TENM4: variants seen among roughly 807,000 people sequenced by gnomAD.
TENM4 encodes teneurin transmembrane protein 4, also known as teneurin-4.
A neutral mutation model predicts 243.3 loss-of-function variants in TENM4; 82 were observed. That is an observed-to-expected ratio of 0.34 (90% confidence interval 0.28 to 0.40). The LOEUF is 0.40. Among genes scored for constraint, TENM4 ranks in the 10% least tolerant of loss-of-function variants. The probability of loss-of-function intolerance (pLI) is 1.00; values close to 1 mark genes in which losing one functional copy is unlikely to be tolerated. For missense variants in TENM4, 3,138 were observed against 3,673.3 expected (o/e 0.85, Z 3.77); for synonymous variants, 1,412 against 1,456.3 (o/e 0.97, Z 0.69).
intron 4 of TENM4, among the ~76,000 whole-genome samples, chr11:79,081,939 G>A (rs1860686261): frequency 6.6e-6 from 1 of 152,100 alleles, no homozygotes; most frequent in Admixed American, 6.5e-5. Flanking sequence ...GCTCACATGG[G>A]CTCTTAGAGC....
At chr11:78,959,314 T>C (rs1857270343) in intron 6 of TENM4, among the ~76,000 whole-genome samples, 1 of 152,082 alleles carries the variant, frequency 6.6e-6, no homozygotes, top group South Asian at 2.1e-4. Flanking sequence ...GCAGAAACAA[T>C]AAAGATAATT....
chr11:79,097,711 G>T (rs1344420441), intron 4 of TENM4: 1 of 152,056 alleles, frequency 6.6e-6, no homozygotes, highest in Non-Finnish European at 1.5e-5. Context: ...TTTCCAGGAT[G>T]TTACGAAACA....
chr11:79,316,901 G>T (rs758137211), intron 1 of TENM4, among the ~76,000 whole-genome samples: 16 of 152,182 alleles, frequency 1.1e-4, no homozygotes, highest in Non-Finnish European at 1.9e-4. Context: ...TGCTTTGTTC[G>T]CTTCAAGGGG....
At chr11:79,142,630 A>T (rs1241859157) in intron 4 of TENM4, among the ~76,000 whole-genome samples, 1 of 152,108 alleles carries the variant, frequency 6.6e-6, no homozygotes, top group Non-Finnish European at 1.5e-5. Context: ...TAGAAAAAAC[A>T]ATCCTAAATT....
chr11:78,722,055 C>A (rs568258319), intron 24 of TENM4, among the ~76,000 whole-genome samples: 3 of 152,228 alleles, frequency 2.0e-5, no homozygotes, highest in South Asian at 4.1e-4. Context: ...ACCTGAGGAG[C>A]AGAGAGGTCA....
intron 12 of TENM4, among the ~76,000 whole-genome samples, chr11:78,835,120 G>C (rs1054893004): frequency 6.6e-6 from 1 of 152,084 alleles, no homozygotes. Flanking sequence ...AGGGCGGTGA[G>C]GCATGTAACA....
At chr11:78,859,459 T>C (rs74961519) in intron 10 of TENM4, among the ~76,000 whole-genome samples, 2 of 152,242 alleles carry the variant, frequency 1.3e-5, no homozygotes, top group East Asian at 1.9e-4. Context: ...CCCATAGCAA[T>C]GCTGTGCAAA....
chr11:79,074,234 T>C (rs7116067), intron 4 of TENM4, among the ~76,000 whole-genome samples: 52,089 of 152,064 alleles, frequency 0.34, 9,390 homozygotes, highest in Middle Eastern at 0.47. Context: ...TGGTTCACAC[T>C]CAAATTGGCA....
intron 3 of TENM4, among the ~76,000 whole-genome samples, chr11:79,198,268 C>A (rs1863673441): frequency 6.6e-6 from 1 of 152,184 alleles, no homozygotes; most frequent in Non-Finnish European, 1.5e-5. Context: ...AACAAAGGCT[C>A]TTGTCTTCTC....
At chr11:79,185,185 C>T (rs1403937082) in intron 3 of TENM4, among the ~76,000 whole-genome samples, 1 of 152,034 alleles carries the variant, frequency 6.6e-6, no homozygotes, top group African/African-American at 2.4e-5. Flanking sequence ...GCAGTCCCAT[C>T]TACTTGAGAG....
chr11:78,788,452 G>C (rs1856984402), intron 15 of TENM4, among the ~76,000 whole-genome samples: 1 of 152,248 alleles, frequency 6.6e-6, no homozygotes, highest in Non-Finnish European at 1.5e-5. Flanking sequence ...TCCTATGCCA[G>C]GCTCAGGAGC....
chr11:78,964,631 G>A (rs902063893), intron 6 of TENM4, among the ~76,000 whole-genome samples: 2 of 152,150 alleles, frequency 1.3e-5, no homozygotes, highest in African/African-American at 4.8e-5. Context: ...CCCAGTACTA[G>A]AGGGCTGAAC....
At position 78,657,548 on chromosome 11, in the gene TENM4, A is replaced by T. The variant is rs1018433587; in HGVS notation, c.*510T>A. 3.1e-5 allele frequency: 8 copies of T among 256,184 alleles called. No homozygotes were observed. Among genetic ancestry groups the T allele is most frequent in the African/African-American group, 1.8e-4 (8 of 44,952 alleles). 15.9% of individuals were successfully genotyped at this position (256,184 alleles called of 1,614,324 possible). A position where few individuals can be genotyped will look rare whatever the true frequency, so the allele number is the denominator to read the frequency against. On this transcript the variant is annotated 3_prime_UTR_variant, in exon 34 of 34. Coordinates refer to ENST00000278550, the MANE Select transcript of TENM4 (RefSeq NM_001098816.3). ...ACCACTCTTCTGCAGGAGCCCTGCCAAGGAGCCTCAGGTCCTACAGACCCT... is the reference window on the plus strand; with the variant it reads ...ACCACTCTTCTGCAGGAGCCCTGCCTAGGAGCCTCAGGTCCTACAGACCCT...
intron 6 of TENM4, among the ~76,000 whole-genome samples, chr11:78,929,449 C>T (rs1197956831): frequency 6.6e-6 from 1 of 152,124 alleles, no homozygotes; most frequent in Non-Finnish European, 1.5e-5. Context: ...CAGAAAAACT[C>T]ACAGGTTCAG....
intron 6 of TENM4, among the ~76,000 whole-genome samples, chr11:78,923,693 CTTTT>C (rs1172776088): frequency 5.6e-5 from 3 of 53,654 alleles, no homozygotes; most frequent in Non-Finnish European, 6.3e-5. Flanking sequence ...ATGCACCTGG[CTTTT>C]TTTTTTTTTT....
chr11:79,394,469 T>C (rs758935661), intron 1 of TENM4, among the ~76,000 whole-genome samples: 2 of 152,216 alleles, frequency 1.3e-5, no homozygotes, highest in Admixed American at 6.5e-5. Flanking sequence ...GAATATATAA[T>C]AGGGCTGATT....
At chr11:78,860,981 A>G (rs1204912014) in intron 10 of TENM4, among the ~76,000 whole-genome samples, 1 of 152,286 alleles carries the variant, frequency 6.6e-6, no homozygotes, top group Non-Finnish European at 1.5e-5. Flanking sequence ...GATTTCAGAT[A>G]GATCCGACTC....
At chr11:79,072,085 G>A (rs1479131857) in intron 4 of TENM4, among the ~76,000 whole-genome samples, 1 of 152,158 alleles carries the variant, frequency 6.6e-6, no homozygotes, top group Non-Finnish European at 1.5e-5. Context: ...CTGGCAAGAT[G>A]ATAGTCCTCT....
intron 6 of TENM4, among the ~76,000 whole-genome samples, chr11:79,034,594 T>C (rs1489398605): frequency 6.6e-6 from 1 of 152,148 alleles, no homozygotes; most frequent in African/African-American, 2.4e-5. Context: ...AAAAAATTTT[T>C]TTTTAAATTA....
Sources: allele counts gnomAD v4.1 joint callset (sites outside exome capture counted in the v4.1 genomes callset), GRCh38; gene constraint gnomAD v4.1.1; transcripts MANE v1.5; gene names NCBI Gene and HGNC (gene_info 2026-07-23, HGNC 2026-07-21).